HSPA4: variants seen among roughly 807,000 people sequenced by gnomAD.
HSPA4 encodes the protein heat shock protein family A (Hsp70) member 4, also known as heat shock 70 kDa protein 4.
In HSPA4, 25 loss-of-function variants were observed where a neutral mutation model predicts 106.2. That is an observed-to-expected ratio of 0.24 (90% CI 0.17 to 0.33). HSPA4 has a LOEUF of 0.33. HSPA4 is among the 10% of genes least tolerant of loss of function. The pLI is 1.00. For missense variants in HSPA4, 841 were observed against 996.0 expected, an observed-to-expected ratio of 0.84 and a Z score of 2.10; for synonymous variants, 332 against 333.6, an observed-to-expected ratio of 1.00 and a Z score of 0.05.
At chr5:133,102,749 TG>T (rs1765803854) in intron 17 of HSPA4, among the ~76,000 whole-genome samples, 1 of 152,044 alleles carries the variant, frequency 6.6e-6, no homozygotes, top group Non-Finnish European at 1.5e-5. Context: ...TGTTTGTTTT[TG>T]TGTTTTGACA....
intron 5 of HSPA4, among the ~76,000 whole-genome samples, chr5:133,073,668 A>C (rs1234450416): frequency 6.6e-6 from 1 of 152,146 alleles, no homozygotes; most frequent in Non-Finnish European, 1.5e-5. Context: ...GCAGCATCTC[A>C]TGGACAGAAC....
At position 133,053,328 on chromosome 5, in the gene HSPA4, C is replaced by CTTTTTT. The variant is rs58722769; in HGVS notation, c.107+985_107+990dup. ...TTATTTGCCATTCAGGGTCTCTCTT[C>CTTTTTT]TTTTTTTTTTTTTTTTTTTCTTTTT... is the stretch of plus-strand genomic sequence containing the variant. On this transcript the variant is annotated intron_variant, in intron 1 of 18. Transcript: ENST00000304858. Among the ~76,000 whole-genome samples the CTTTTTT allele has an allele frequency of 9.1e-4, 117 of 129,218 alleles. 8 individuals are homozygous for CTTTTTT. The highest frequency in any genetic ancestry group is 1.4e-3 in the South Asian group (6 of 4,150). The allele number at this position is 129,218 out of a possible 152,430, so 84.8% of individuals were successfully genotyped here.
At chr5:133,075,605 G>A (rs1468187079) in intron 6 of HSPA4, among the ~76,000 whole-genome samples, 3 of 152,148 alleles carry the variant, frequency 2.0e-5, no homozygotes, top group Middle Eastern at 3.4e-3. Context: ...GAGGTGGGGG[G>A]ATTGCTTGAG....
intron 13 of HSPA4, among the ~76,000 whole-genome samples, chr5:133,095,037 CG>C (rs1347983027): frequency 1.3e-5 from 2 of 152,114 alleles, no homozygotes; most frequent in African/African-American, 4.8e-5. Flanking sequence ...CTAGAAGAGT[CG>C]CTGTGGCTCA....
chr5:133,081,964 A>G (rs1765518915), intron 7 of HSPA4, among the ~76,000 whole-genome samples: 1 of 152,230 alleles, frequency 6.6e-6, no homozygotes, highest in Admixed American at 6.5e-5. Context: ...TCCACAGAAA[A>G]ACTCATATGT....
chr5:133,061,764 C>T (rs545330466), intron 1 of HSPA4, among the ~76,000 whole-genome samples: 4 of 152,066 alleles, frequency 2.6e-5, no homozygotes, highest in Admixed American at 2.0e-4. Flanking sequence ...GGACTACAGG[C>T]GTGTGCCACC....
At chr5:133,066,736 C>CTTTTTTTTTT (rs58483780) in intron 2 of HSPA4, among the ~76,000 whole-genome samples, 1 of 129,422 alleles carries the variant, frequency 7.7e-6, no homozygotes, top group Non-Finnish European at 1.7e-5. Flanking sequence ...TTTCTTTTTT[C>CTTTTTTTTTT]TTTTTTTTTT....
intron 8 of HSPA4, 102 bp from the exon 9 acceptor site, chr5:133,088,302 G>C (rs916645407): frequency 3.9e-6 from 3 of 761,086 alleles, no homozygotes; most frequent in Non-Finnish European, 6.6e-6. Flanking sequence ...GTGGGTGAGG[G>C]AGTTGGAGGA....
intron 15 of HSPA4, among the ~76,000 whole-genome samples, chr5:133,098,480 T>A (rs1243765529): frequency 3.1e-5 from 2 of 64,118 alleles, no homozygotes; most frequent in Non-Finnish European, 5.5e-5. Context: ...CCTGGCTAAT[T>A]TTTTTTTTTT....
At chr5:133,077,754 T>G (rs73264429) in intron 7 of HSPA4, among the ~76,000 whole-genome samples, 3,445 of 152,226 alleles carry the variant, frequency 0.023, 130 homozygotes, top group African/African-American at 0.075. Flanking sequence ...TGATGGTGTA[T>G]TTGGAGACAT....
intron 17 of HSPA4, 152 bp from the exon 18 acceptor site, chr5:133,103,713 C>CT: frequency 1.7e-6 from 1 of 602,968 alleles, no homozygotes; most frequent in South Asian, 2.9e-5. Context: ...GGTTAGGTTT[C>CT]TTTTGAATAA....
chr5:133,103,071 C>T (rs913942454), intron 17 of HSPA4, among the ~76,000 whole-genome samples: 1 of 150,912 alleles, frequency 6.6e-6, no homozygotes, highest in Non-Finnish European at 1.5e-5. Flanking sequence ...TTTCCTCCTT[C>T]TTTTTTGTGA....
intron 12 of HSPA4, 78 bp downstream of exon 12, chr5:133,091,452 C>A: frequency 9.0e-7 from 1 of 1,113,350 alleles, no homozygotes; most frequent in Non-Finnish European, 1.3e-6. Context: ...GACTTGGTGG[C>A]AAGGCCGGAG....
intron 13 of HSPA4, 22 bp downstream of exon 13, chr5:133,092,811 T>TTTTGTTTTTTTTG (rs1765663592): frequency 2.3e-6 from 1 of 438,460 alleles, no homozygotes; most frequent in African/African-American, 6.5e-5. Flanking sequence ...GTGGTGTTTT[T>TTTTGTTTTTTTTG]TTTTTTTTTT....
At chr5:133,096,314 T>G in intron 14 of HSPA4, 64 bp downstream of exon 14, 5 of 1,455,380 alleles carry the variant, frequency 3.4e-6, no homozygotes, top group Non-Finnish European at 4.7e-6. Context: ...GTATTCAGAC[T>G]CTGTGTCTAG....
chr5:133,070,165 C>G (rs1765362914), intron 3 of HSPA4, among the ~76,000 whole-genome samples: 1 of 151,576 alleles, frequency 6.6e-6, no homozygotes, highest in South Asian at 2.1e-4. Context: ...AGAGAGAGAC[C>G]CTGCCTCCAA....
At position 133,060,930 on chromosome 5, in the gene HSPA4, T is replaced by A. The variant is rs1390309191; in HGVS notation, c.108-4050T>A. Reference sequence around the variant, plus strand: ...GACTGCAAGAACTGAGTTTTAAATTTTATTTAATTTTAAATAATTTAAATT... The same window carrying A: ...GACTGCAAGAACTGAGTTTTAAATTATATTTAATTTTAAATAATTTAAATT... On this transcript the variant is annotated intron_variant, in intron 1 of 18. Transcript: ENST00000304858. Among the ~76,000 whole-genome samples, 3 of 151,450 alleles carry A rather than the reference T, an allele frequency of 2.0e-5. No homozygotes were observed. The East Asian group carries it at 5.8e-4, about 29-fold the overall frequency.
At chr5:133,089,716 T>G in intron 11 of HSPA4, 21 bp downstream of exon 11, 1 of 1,381,976 alleles carries the variant, frequency 7.2e-7, no homozygotes, top group South Asian at 1.6e-5. Flanking sequence ...AGTTGGAAAT[T>G]AAAAAAGAAA....
At chr5:133,065,612 C>A (rs1299718875) in intron 2 of HSPA4, among the ~76,000 whole-genome samples, 1 of 152,222 alleles carries the variant, frequency 6.6e-6, no homozygotes, top group African/African-American at 2.4e-5. Context: ...GCAAGGCTTG[C>A]TTGTTCCTTG....
Sources: gnomAD v4.1 joint callset for allele counts (sites outside exome capture counted in the v4.1 genomes callset) on GRCh38, gnomAD v4.1.1 for gene constraint, MANE v1.5 for transcripts, NCBI Gene and HGNC (gene_info 2026-07-23, HGNC 2026-07-21) for gene names.